The following SLC35F3 variants were observed in gnomAD, a reference collection of about 807,000 sequenced individuals.
SLC35F3 encodes putative thiamine transporter SLC35F3.
Under a neutral mutation model 49.9 loss-of-function variants are expected in SLC35F3, and 25 were observed. The observed-to-expected ratio is 0.50, with a 90% confidence interval of 0.37 to 0.70. The LOEUF (loss-of-function observed/expected upper bound fraction) is 0.70. Among genes scored for constraint, SLC35F3 ranks in the 30% least tolerant of loss-of-function variants. The probability of loss-of-function intolerance (pLI) is 0.00; values close to 1 mark genes in which losing one functional copy is unlikely to be tolerated. For synonymous variants in SLC35F3, 275 were observed against 265.4 expected (o/e 1.04, Z -0.35); for missense variants, 525 against 639.8 (o/e 0.82, Z 1.94).
intron 2 of SLC35F3, among the ~76,000 whole-genome samples, chr1:233,908,536 CTTTT>C (rs898041195): frequency 1.2e-5 from 1 of 84,880 alleles, no homozygotes; most frequent in Non-Finnish European, 2.3e-5. Context: ...GTAAAGGATT[CTTTT>C]TTTTTTTTTT....
chr1:233,911,943 C>T (rs1661881422), intron 2 of SLC35F3, among the ~76,000 whole-genome samples: 1 of 152,184 alleles, frequency 6.6e-6, no homozygotes, highest in East Asian at 1.9e-4. Context: ...CTAAAACTCT[C>T]CAGCTTTGAG....
chr1:234,252,810 A>AT (rs1341325803), intron 3 of SLC35F3, among the ~76,000 whole-genome samples: 5 of 152,248 alleles, frequency 3.3e-5, no homozygotes, highest in African/African-American at 1.2e-4. Flanking sequence ...AGTAATTTTT[A>AT]TAACAGTACC....
chr1:234,121,148 T>TG (rs1406135592), intron 2 of SLC35F3, among the ~76,000 whole-genome samples: 2 of 147,648 alleles, frequency 1.4e-5, no homozygotes, highest in Admixed American at 1.4e-4. Flanking sequence ...TTTTTTTTTT[T>TG]TTTTTTGAGA....
At chr1:234,108,301 ATATTTATATATATAAAAGATATATAT>A (rs1558231356) in intron 2 of SLC35F3, among the ~76,000 whole-genome samples, 1 of 121,074 alleles carries the variant, frequency 8.3e-6, no homozygotes, top group African/African-American at 3.1e-5. Context: ...ATAAAGATAT[ATATTTATATATATAAAAGATATATAT>A]TATTTATATA....
intron 2 of SLC35F3, among the ~76,000 whole-genome samples, chr1:233,972,056 C>T (rs896394585): frequency 8.5e-5 from 13 of 152,250 alleles, no homozygotes; most frequent in Non-Finnish European, 1.8e-4. Context: ...CCCTTTCACC[C>T]ATGGCTCCTC....
chr1:233,940,468 A>G (rs1015314050), intron 2 of SLC35F3, among the ~76,000 whole-genome samples: 2 of 152,086 alleles, frequency 1.3e-5, no homozygotes, highest in Non-Finnish European at 2.9e-5. Flanking sequence ...TTTCCTTAGT[A>G]GGTCTCAATC....
At chr1:234,317,234 G>A (rs1407149) in intron 5 of SLC35F3, among the ~76,000 whole-genome samples, 14,836 of 152,170 alleles carry the variant, frequency 0.097, 850 homozygotes, top group African/African-American at 0.15. Context: ...GCTGTAATAC[G>A]GGGATAATAA....
chr1:233,980,589 G>C (rs1373561604), intron 2 of SLC35F3, among the ~76,000 whole-genome samples: 3 of 152,202 alleles, frequency 2.0e-5, no homozygotes, highest in Non-Finnish European at 4.4e-5. Context: ...GGCAAGGTGC[G>C]TGACTAAAGA....
chr1:234,002,140 T>G (rs1663563827), intron 2 of SLC35F3, among the ~76,000 whole-genome samples: 2 of 152,316 alleles, frequency 1.3e-5, no homozygotes, highest in South Asian at 4.1e-4. Flanking sequence ...TATGATACTT[T>G]TGGATTTACA....
chr1:234,026,540 G>T (rs980778651), intron 2 of SLC35F3, among the ~76,000 whole-genome samples: 1 of 152,154 alleles, frequency 6.6e-6, no homozygotes, highest in Non-Finnish European at 1.5e-5. Flanking sequence ...AGGTAGGTTG[G>T]CAACTCTTAA....
At chr1:233,912,994 T>C (rs1661907592) in intron 2 of SLC35F3, among the ~76,000 whole-genome samples, 1 of 152,176 alleles carries the variant, frequency 6.6e-6, no homozygotes, top group Admixed American at 6.5e-5. Context: ...ATGCAGAGAT[T>C]AGTGATGGCA....
At chr1:234,311,308 T>C (rs1411292195) in intron 4 of SLC35F3, among the ~76,000 whole-genome samples, 2 of 152,166 alleles carry the variant, frequency 1.3e-5, no homozygotes, top group East Asian at 1.9e-4. Flanking sequence ...GATAAACAGA[T>C]GGAGATTTAG....
chr1:234,157,961 C>A (rs1314265743), intron 2 of SLC35F3, among the ~76,000 whole-genome samples: 2 of 152,098 alleles, frequency 1.3e-5, no homozygotes, highest in East Asian at 3.8e-4. Context: ...GCCTCTGAAA[C>A]CTTGCAGGTG....
chr1:233,927,640 A>T (rs1662181227), intron 2 of SLC35F3, among the ~76,000 whole-genome samples: 1 of 152,130 alleles, frequency 6.6e-6, no homozygotes, highest in Non-Finnish European at 1.5e-5. Context: ...AATTCAGAAG[A>T]CATTTTTGAA....
intron 3 of SLC35F3, among the ~76,000 whole-genome samples, chr1:234,249,935 A>T (rs1283023199): frequency 6.6e-6 from 1 of 151,722 alleles, no homozygotes; most frequent in Non-Finnish European, 1.5e-5. Flanking sequence ...TGACTGCAGA[A>T]CTCCTTACTC....
intron 2 of SLC35F3, among the ~76,000 whole-genome samples, chr1:233,917,019 A>G (rs887201440): frequency 1.3e-5 from 2 of 152,236 alleles, no homozygotes; most frequent in African/African-American, 4.8e-5. Flanking sequence ...AAAACACGGC[A>G]AATGTATTAG....
At chr1:234,073,672 G>A (rs1051760308) in intron 2 of SLC35F3, among the ~76,000 whole-genome samples, 6 of 151,988 alleles carry the variant, frequency 3.9e-5, no homozygotes, top group South Asian at 2.1e-4. Context: ...CACTTCCTCC[G>A]ACATGATAAA....
At chr1:234,259,714 C>T in intron 3 of SLC35F3, among the ~76,000 whole-genome samples, 1 of 151,624 alleles carries the variant, frequency 6.6e-6, no homozygotes, top group South Asian at 2.1e-4. Flanking sequence ...TAATTTATCT[C>T]CTGATTTACA....
chr1:234,235,087 T>G, intron 3 of SLC35F3, among the ~76,000 whole-genome samples: 1 of 152,184 alleles, frequency 6.6e-6, no homozygotes, highest in East Asian at 1.9e-4. Context: ...TCACAGGGCA[T>G]ACAAGAACAC....
Sources: allele counts gnomAD v4.1 joint callset (sites outside exome capture counted in the v4.1 genomes callset), GRCh38; gene constraint gnomAD v4.1.1; transcripts MANE v1.5; gene names NCBI Gene and HGNC (gene_info 2026-07-23, HGNC 2026-07-21).